Variants in FREM2 observed in about 807,000 individuals in gnomAD.
FREM2 encodes FRAS1 related extracellular matrix 2, also known as FRAS1-related extracellular matrix protein 2.
Under a neutral mutation model 219.9 loss-of-function variants are expected in FREM2, and 119 were observed. The observed-to-expected ratio is 0.54, with a 90% CI of 0.47 to 0.63. FREM2 has a LOEUF of 0.63. Among genes scored for constraint, FREM2 ranks in the 30% least tolerant of loss-of-function variants. FREM2 has a pLI of 0.00. For missense variants in FREM2, 4,030 were observed against 3,993.6 expected, an observed-to-expected ratio of 1.01 and a Z score of -0.25; for synonymous variants, 1,562 against 1,522.8, an observed-to-expected ratio of 1.03 and a Z score of -0.60.
At chr13:38,850,649 T>A (rs1877334766) in intron 9 of FREM2, among the ~76,000 whole-genome samples, 1 of 152,194 alleles carries the variant, frequency 6.6e-6, no homozygotes, top group South Asian at 2.1e-4. Flanking sequence ...ATGCTAAAAA[T>A]TCATAAATAA....
At chr13:38,859,611 C>G in intron 14 of FREM2, 21 bp downstream of exon 14, 1 of 1,607,592 alleles carries the variant, frequency 6.2e-7, no homozygotes. Flanking sequence ...GCCATTTTCC[C>G]CTGAAGATCA....
intron 3 of FREM2, among the ~76,000 whole-genome samples, chr13:38,766,592 T>C (rs1873444763): frequency 6.6e-6 from 1 of 152,220 alleles, no homozygotes; most frequent in South Asian, 2.1e-4. Context: ...TGAGATAGAT[T>C]GCATTATAGC....
intron 6 of FREM2, among the ~76,000 whole-genome samples, chr13:38,828,027 G>A (rs1876361162): frequency 6.6e-6 from 1 of 152,090 alleles, no homozygotes; most frequent in Admixed American, 6.6e-5. Flanking sequence ...CTTCCTCACG[G>A]AAGCCACACC....
chr13:38,824,674 A>G (rs138256240), intron 6 of FREM2, among the ~76,000 whole-genome samples: 1,758 of 151,922 alleles, frequency 0.012, 22 homozygotes, highest in African/African-American at 0.04. Flanking sequence ...GTGGGGCCAC[A>G]GGAGCCACCA....
chr13:38,760,892 C>A (rs2137805553), intron 2 of FREM2, among the ~76,000 whole-genome samples: 1 of 151,900 alleles, frequency 6.6e-6, no homozygotes, highest in Non-Finnish European at 1.5e-5. Flanking sequence ...TAGAGAAAAA[C>A]TAACCAGAAT....
Position 38,850,041 on chromosome 13 carries a change from C to A in FREM2, c.6383C>A (p.Pro2128His). ...VSINDSVSDL[P>H]KMQFKERIYT... is the part of the protein sequence containing the mutation. ...CTTTAATCCTTTGTTTTTGCAGTGCCTAAGATGCAATTCAAAGAACGAATA... is the reference window on the plus strand; with the variant it reads ...CTTTAATCCTTTGTTTTTGCAGTGCATAAGATGCAATTCAAAGAACGAATA... Residue 2128 changes from proline to histidine, a missense_variant, in exon 9 of 24, where the codon CCT becomes CAT. Transcript: ENST00000280481. The A allele has an allele frequency of 6.2e-7, 1 of 1,613,232 alleles. No individual in the cohort carries two copies. The highest frequency in any genetic ancestry group is 1.1e-5 in the South Asian group (1 of 91,054).
chr13:38,757,780 G>C (rs1453934563), intron 2 of FREM2, among the ~76,000 whole-genome samples: 1 of 151,870 alleles, frequency 6.6e-6, no homozygotes, highest in South Asian at 2.1e-4. Context: ...TAGTAGAGAC[G>C]GGGTTTCACC....
At position 38,883,690 on chromosome 13, in the gene FREM2, T is replaced by A. The variant is rs1030449878; in HGVS notation, c.*2903T>A. 47 of 152,202 alleles carry A rather than the reference T, an allele frequency of 3.1e-4. No homozygotes were observed. Among genetic ancestry groups the A allele is most frequent in the African/African-American group, 1.1e-3 (45 of 41,452 alleles). The allele number at this position is 152,202 out of a possible 1,614,324, so 9.4% of individuals were successfully genotyped here. On this transcript the variant is annotated 3_prime_UTR_variant, in exon 24 of 24. Coordinates refer to ENST00000280481, the MANE Select transcript of FREM2 (RefSeq NM_207361.6). ...CCACTTGCTGTCCTTGGGAAGGTTA[T>A]AACTGAATGCAGCTCTTTATTTGGA...
chr13:38,750,635 A>C (rs1040481080), intron 2 of FREM2, among the ~76,000 whole-genome samples: 6 of 152,020 alleles, frequency 3.9e-5, no homozygotes, highest in Non-Finnish European at 8.8e-5. Context: ...TCTTTTGGGT[A>C]TATACCTAGC....
At chr13:38,791,604 C>G (rs1027228305) in intron 6 of FREM2, among the ~76,000 whole-genome samples, 6 of 152,140 alleles carry the variant, frequency 3.9e-5, no homozygotes, top group Non-Finnish European at 7.4e-5. Flanking sequence ...GAGAGCCAAG[C>G]AAAGGGGAAA....
chr13:38,839,270 G>T (rs1215752164), intron 6 of FREM2, among the ~76,000 whole-genome samples: 2 of 152,184 alleles, frequency 1.3e-5, no homozygotes, highest in Non-Finnish European at 2.9e-5. Flanking sequence ...GACCCCGTTT[G>T]CCTGGGTATC....
intron 2 of FREM2, among the ~76,000 whole-genome samples, chr13:38,735,112 C>A (rs1871937160): frequency 6.6e-6 from 1 of 152,160 alleles, no homozygotes; most frequent in South Asian, 2.1e-4. Context: ...ATTCTGATAT[C>A]TGATTCTGCA....
intron 2 of FREM2, among the ~76,000 whole-genome samples, chr13:38,745,954 C>A (rs745825692): frequency 1.4e-4 from 21 of 152,144 alleles, no homozygotes; most frequent in Non-Finnish European, 1.6e-4. Context: ...CAGTATCGTA[C>A]CCTTTCTAGT....
intron 6 of FREM2, among the ~76,000 whole-genome samples, chr13:38,841,683 C>T (rs1876970261): frequency 1.3e-5 from 2 of 152,288 alleles, no homozygotes; most frequent in East Asian, 1.9e-4. Flanking sequence ...AAATCACTGG[C>T]TCTTCCTTCT....
chr13:38,783,160 G>A lies in FREM2; in HGVS notation c.5732G>A (p.Ser1911Asn). 6.2e-7 allele frequency: 1 copy of A among 1,614,072 alleles called. No homozygotes were observed. The highest frequency in any genetic ancestry group is 8.5e-7 in the Non-Finnish European group (1 of 1,179,978). The change falls in exon 5 of 24, where the codon AGC (serine) becomes AAC (asparagine). Residue 1911 changes from serine to asparagine, a missense_variant. Physicochemically the swap from Ser to Asn is conservative, Grantham distance 46. Coordinates refer to ENST00000280481, the MANE Select transcript of FREM2 (RefSeq NM_207361.6). ...CCCATCAGGAGGAGCGGAGATGTGA[G>A]CCAGGAGTTGATGGTGGTCTGTTAT... ...FIPIRRSGDV[S>N]QELMVVCYTQ...
At chr13:38,707,037 T>C (rs1287138674) in intron 2 of FREM2, among the ~76,000 whole-genome samples, 1 of 152,216 alleles carries the variant, frequency 6.6e-6, no homozygotes, top group Non-Finnish European at 1.5e-5. Context: ...GAAAAAAATG[T>C]TTTTCTTAAT....
intron 15 of FREM2, 37 bp from the exon 16 acceptor site, chr13:38,864,238 T>C: frequency 6.5e-7 from 1 of 1,539,392 alleles, no homozygotes; most frequent in South Asian, 1.1e-5. Flanking sequence ...TCTTGGCTAC[T>C]TGAAAGACTG....
In FREM2 at chr13:38,821,390, A is replaced by G. The variant is rs193114014; in HGVS notation, c.6020-25183A>G. On this transcript the variant is annotated intron_variant, in intron 6 of 23. Coordinates refer to ENST00000280481, the MANE Select transcript of FREM2 (RefSeq NM_207361.6). ...ATTGTTATTTGACAAACAGTAAAGT[A>G]TGTGACAAATAATCACAATAATAAT... Among the ~76,000 whole-genome samples the G allele has an allele frequency of 4.3e-3, 651 of 152,268 alleles. 5 individuals are homozygous for G. The highest frequency in any genetic ancestry group is 6.9e-3 in the Admixed American group (105 of 15,278).
intron 4 of FREM2, among the ~76,000 whole-genome samples, chr13:38,775,991 G>T (rs1208450543): frequency 6.6e-6 from 1 of 152,168 alleles, no homozygotes; most frequent in Non-Finnish European, 1.5e-5. Flanking sequence ...ATGCTATCTT[G>T]ATGTGAACTC....
Sources: gnomAD v4.1 joint callset for allele counts (sites outside exome capture counted in the v4.1 genomes callset) on GRCh38, gnomAD v4.1.1 for gene constraint, MANE v1.5 for transcripts, NCBI Gene and HGNC (gene_info 2026-07-23, HGNC 2026-07-21) for gene names.